KIF5C: variants seen among roughly 807,000 people sequenced by gnomAD.
KIF5C encodes the protein kinesin family member 5C.
KIF5C carries 18 observed loss-of-function variants against 125.2 expected under a neutral mutation model. That is an observed-to-expected ratio of 0.14 (90% confidence interval 0.10 to 0.21). The LOEUF (loss-of-function observed/expected upper bound fraction) is 0.21, where lower values mean the gene tolerates loss of function less well. KIF5C is among the 10% of genes least tolerant of loss of function. The pLI is 1.00. For missense variants in KIF5C, 780 were observed against 1,183.8 expected (o/e 0.66, Z 5.01); for synonymous variants, 405 against 434.0 (o/e 0.93, Z 0.83).
intron 25 of KIF5C, among the ~76,000 whole-genome samples, chr2:149,014,147 C>A (rs1414102838): frequency 1.3e-5 from 2 of 152,148 alleles, no homozygotes; most frequent in African/African-American, 4.8e-5. Flanking sequence ...GCCTCAGCCT[C>A]CCGAGTAGCT....
chr2:148,958,807 C>A (rs923405160), intron 10 of KIF5C, among the ~76,000 whole-genome samples: 19 of 151,952 alleles, frequency 1.3e-4, no homozygotes, highest in Non-Finnish European at 2.5e-4. Context: ...CATGGTGAAA[C>A]CCTGTCTCTA....
intron 23 of KIF5C, 35 bp from the exon 24 acceptor site, chr2:149,010,100 G>T (rs929063114): frequency 6.6e-7 from 1 of 1,518,714 alleles, no homozygotes; most frequent in Non-Finnish European, 8.9e-7. Flanking sequence ...CTGCCTGCCT[G>T]GTAGTAACTC....
chr2:149,000,479 T>G lies in KIF5C; in HGVS notation c.2267T>G (p.Leu756Arg). The change falls in exon 20 of 26, where the codon CTG (leucine) becomes CGG (arginine). Residue 756 changes from leucine to arginine, a missense_variant. Leu to Arg is a moderately radical substitution (Grantham distance 102). Transcript: ENST00000435030. ...AAGCTTAGTTCTGATTATAACAAGC[T>G]GAAAATAGAGGACCAAGAGAGAGAA... Reference protein sequence around the residue: ...QEKLSSDYNKLKIEDQEREMK... With the variant: ...QEKLSSDYNKRKIEDQEREMK... The G allele has an allele frequency of 6.3e-7, 1 of 1,582,382 alleles. No homozygotes were observed.
rs1446176206 is a variant in KIF5C at position 149,025,763 on chromosome 2, A to T, written c.*2693A>T. 6.6e-6 allele frequency: 1 copy of T among 152,514 alleles called. No homozygotes were observed. Among genetic ancestry groups the T allele is most frequent in the Admixed American group, 6.5e-5 (1 of 15,280 alleles). The allele number at this position is 152,514 out of a possible 1,614,324, so 9.4% of individuals were successfully genotyped here. ...GGAGAATGTTGTTTGAGATATCAAG[A>T]TTTATGTCTGGGAACTAAAATATAT... On this transcript the variant is annotated 3_prime_UTR_variant, in exon 26 of 26. Coordinates refer to ENST00000435030, the MANE Select transcript of KIF5C (RefSeq NM_004522.3).
intron 9 of KIF5C, 29 bp downstream of exon 9, chr2:148,949,972 T>A: frequency 1.2e-6 from 2 of 1,601,018 alleles, no homozygotes; most frequent in Middle Eastern, 1.7e-4. Flanking sequence ...ATCTATTAAG[T>A]AATATTATGA....
chr2:148,883,072 C>T (rs568613927), intron 1 of KIF5C, among the ~76,000 whole-genome samples: 6 of 152,276 alleles, frequency 3.9e-5, no homozygotes, highest in African/African-American at 1.2e-4. Context: ...TTTGTCTTTC[C>T]TCCTTTAGAC....
At position 148,922,177 on chromosome 2, in the gene KIF5C, A is replaced by G. The variant is rs1239485346; in HGVS notation, c.167A>G (p.Asn56Ser). ...PYVFDRVLPP[N>S]TTQEQVYNAC... ...GTCTTCGACAGAGTGCTACCTCCCA[A>G]CACGACCCAAGAGCAGGTTTACAAT... Residue 56 changes from asparagine (N) to serine (S), a missense_variant, in exon 2 of 26, where the codon AAC (asparagine) becomes AGC (serine). Asn to Ser is a conservative substitution (Grantham distance 46, BLOSUM62 1). Around this residue, in one of 2 missense-constraint regions of KIF5C, gnomAD observed 207 missense variants for 441.2 expected, o/e 0.47. Transcript: ENST00000435030. 2 of 1,613,420 alleles carry G rather than the reference A, an allele frequency of 1.2e-6. No homozygotes were observed. The highest frequency in any genetic ancestry group is 1.3e-5 in the African/African-American group (1 of 74,902).
In KIF5C at chr2:148,971,290, GTCTATCTATCTATCTA is replaced by G. The variant is rs753154563; in HGVS notation, c.1118-2016_1118-2001del. Among the ~76,000 whole-genome samples the G allele has an allele frequency of 2.2e-3, 300 of 137,316 alleles. 1 individual carries two copies. Among genetic ancestry groups the G allele is most frequent in the South Asian group, 7.2e-3 (30 of 4,146 alleles). The allele number at this position is 137,316 out of a possible 152,430, so 90.1% of individuals were successfully genotyped here. On this transcript the variant is annotated intron_variant, in intron 11 of 25. Coordinates refer to ENST00000435030, the MANE Select transcript of KIF5C (RefSeq NM_004522.3). ...AATCTGTCTGTCTGTCTGTCTGTCT[GTCTATCTATCTATCTA>G]TCTATCTATCTATCTATCTATCTAT...
At chr2:148,905,789 A>G (rs1681081094) in intron 1 of KIF5C, among the ~76,000 whole-genome samples, 1 of 152,166 alleles carries the variant, frequency 6.6e-6, no homozygotes, top group Admixed American at 6.5e-5. Context: ...TTATAAAGAA[A>G]AAGAGGTTTA....
intron 12 of KIF5C, among the ~76,000 whole-genome samples, chr2:148,977,300 T>C (rs756456629): frequency 1.3e-5 from 2 of 152,180 alleles, no homozygotes; most frequent in Non-Finnish European, 2.9e-5. Flanking sequence ...TCTTCAGGCT[T>C]TGAAATGAGC....
At position 149,000,695 on chromosome 2, in the gene KIF5C, G is replaced by A. The variant is rs770676231; in HGVS notation, c.2313-27G>A. The A allele has an allele frequency of 4.3e-5, 69 of 1,612,756 alleles. No individual in the cohort carries two copies. The South Asian group carries it at 7.6e-4, about 18-fold the overall frequency. On this transcript the variant is annotated intron_variant, in intron 20 of 25. Transcript: ENST00000435030. ...CTGAAATCTCTGAGTCCCCTGTGGTGGTCTATGGTTCCTTTTTGTTTTTCA... is the reference window on the plus strand; with the variant it reads ...CTGAAATCTCTGAGTCCCCTGTGGTAGTCTATGGTTCCTTTTTGTTTTTCA...
At chr2:148,887,735 G>T (rs902566849) in intron 1 of KIF5C, among the ~76,000 whole-genome samples, 2 of 151,840 alleles carry the variant, frequency 1.3e-5, no homozygotes, top group African/African-American at 4.8e-5. Flanking sequence ...TACATGTGCA[G>T]GTTTGTTACT....
intron 1 of KIF5C, among the ~76,000 whole-genome samples, chr2:148,913,193 A>C (rs907933772): frequency 1.3e-5 from 2 of 152,216 alleles, no homozygotes; most frequent in Non-Finnish European, 2.9e-5. Flanking sequence ...TGGAATTCTT[A>C]GAAAATCTAT....
chr2:148,979,335 T>G (rs1183130578), intron 13 of KIF5C, among the ~76,000 whole-genome samples: 1 of 152,212 alleles, frequency 6.6e-6, no homozygotes, highest in African/African-American at 2.4e-5. Flanking sequence ...CAGGCTGGAA[T>G]GCAGTGGTGC....
intron 3 of KIF5C, among the ~76,000 whole-genome samples, chr2:148,931,862 T>A (rs142683818): frequency 6.6e-6 from 1 of 152,190 alleles, no homozygotes; most frequent in African/African-American, 2.4e-5. Context: ...TGCCTCTTCA[T>A]CTTTGTCAGT....
intron 1 of KIF5C, among the ~76,000 whole-genome samples, chr2:148,913,727 G>A (rs1476512046): frequency 6.6e-6 from 1 of 152,198 alleles, no homozygotes; most frequent in Non-Finnish European, 1.5e-5. Context: ...GTACTGCACT[G>A]TGCCAGGAAG....
intron 11 of KIF5C, among the ~76,000 whole-genome samples, chr2:148,970,804 G>A (rs1399623683): frequency 2.0e-5 from 3 of 152,174 alleles, no homozygotes; most frequent in Non-Finnish European, 4.4e-5. Flanking sequence ...AACACACACT[G>A]GGCAGCTCCT....
At chr2:148,994,621 T>C in intron 17 of KIF5C, 83 bp downstream of exon 17, 2 of 1,466,050 alleles carry the variant, frequency 1.4e-6, no homozygotes, top group Middle Eastern at 2.2e-4. Context: ...TGATGTTTAG[T>C]TTCGTTCAGT....
At chr2:148,997,464 G>A in intron 18 of KIF5C, 124 bp downstream of exon 18, 14 of 1,516,944 alleles carry the variant, frequency 9.2e-6, no homozygotes, top group South Asian at 1.2e-5. Flanking sequence ...GGGAGGGGCT[G>A]TTGTTGGGCA....
Sources: gnomAD v4.1 joint callset for allele counts (sites outside exome capture counted in the v4.1 genomes callset) on GRCh38, gnomAD v4.1.1 for gene constraint, gnomAD v4.1.1 regional missense constraint, MANE v1.5 for transcripts, NCBI Gene and HGNC (gene_info 2026-07-23, HGNC 2026-07-21) for gene names.